Variants in TDRD12 observed in about 807,000 individuals in gnomAD.
TDRD12 encodes tudor domain containing 12.
Under a neutral mutation model 133.5 loss-of-function variants are expected in TDRD12, and 158 were observed. The ratio of observed to expected loss-of-function variants is 1.18; its 90% CI spans 1.04 to 1.35. The LOEUF (loss-of-function observed/expected upper bound fraction) is 1.35. TDRD12 is among the 40% of genes most tolerant of loss of function. The probability of loss-of-function intolerance (pLI) is 0.00; values close to 1 mark genes in which losing one functional copy is unlikely to be tolerated. For missense variants in TDRD12, 1,443 were observed against 1,321.3 expected, an observed-to-expected ratio of 1.09 and a Z score of -1.43; for synonymous variants, 460 against 477.9, an observed-to-expected ratio of 0.96 and a Z score of 0.49.
At chr19:32,824,481 T>G (rs1967518976), downstream of TDRD12, 2 of 152,962 alleles carry the variant, frequency 1.3e-5, no homozygotes, top group African/African-American at 4.8e-5. Flanking sequence ...TGCCTGCTCT[T>G]GCCCTCCTAG....
intron 4 of TDRD12, among the ~76,000 whole-genome samples, chr19:32,744,515 AAAAAAAAAAC>A (rs1402476389): frequency 2.7e-5 from 4 of 150,698 alleles, no homozygotes; most frequent in South Asian, 2.1e-4. Context: ...AAAAAAAAAA[AAAAAAAAAAC>A]AAAAGAATAT....
intron 4 of TDRD12, among the ~76,000 whole-genome samples, chr19:32,746,136 CGGG>C (rs1568455525): frequency 1.4e-5 from 1 of 72,982 alleles, no homozygotes; most frequent in East Asian, 3.7e-4. Flanking sequence ...GTGAGAGAGA[CGGG>C]GAGAGAGACT....
intron 14 of TDRD12, chr19:32,796,298 T>C: frequency 1.6e-6 from 1 of 631,536 alleles, no homozygotes; most frequent in South Asian, 7.0e-5. Context: ...TTTAGAAAGT[T>C]GCATCTGTTG....
chr19:32,792,105 G>T (rs754968869), intron 13 of TDRD12, among the ~76,000 whole-genome samples: 1 of 152,072 alleles, frequency 6.6e-6, no homozygotes, highest in African/African-American at 2.4e-5. Flanking sequence ...AATTCGCCAG[G>T]CATGGTGGTA....
chr19:32,821,405 T>TGC (rs1967389162), downstream of TDRD12: 1 of 169,576 alleles, frequency 5.9e-6, no homozygotes, highest in Non-Finnish European at 9.4e-6. Context: ...TGTGTGTGTG[T>TGC]GTGTGCGTGT....
At chr19:32,765,669 A>G (rs992295424) in intron 8 of TDRD12, among the ~76,000 whole-genome samples, 2 of 146,208 alleles carry the variant, frequency 1.4e-5, no homozygotes, top group Non-Finnish European at 1.5e-5. Flanking sequence ...GTTCTCACTC[A>G]TAGGTGGGAA....
chr19:32,784,888 G>T (rs565658195), intron 11 of TDRD12, among the ~76,000 whole-genome samples: 1 of 151,646 alleles, frequency 6.6e-6, no homozygotes, highest in Non-Finnish European at 1.5e-5. Flanking sequence ...TTCTTTATTA[G>T]TCTTGCTAGT....
At chr19:32,825,762 T>C (rs1967568389), downstream of TDRD12, among the ~76,000 whole-genome samples, 1 of 152,112 alleles carries the variant, frequency 6.6e-6, no homozygotes, top group African/African-American at 2.4e-5. The surrounding 1 kb of genome is among the most constrained non-coding windows in gnomAD (Gnocchi z 4.1). Context: ...ATGCTTGTAA[T>C]CCCAGCTACT....
intron 27 of TDRD12, among the ~76,000 whole-genome samples, chr19:32,819,219 A>T (rs773506544): frequency 1.3e-5 from 2 of 151,482 alleles, no homozygotes; most frequent in African/African-American, 2.4e-5. Context: ...TGGGACACTG[A>T]GGTGGGAAGA....
chr19:32,766,897 G>A (rs894071006), intron 8 of TDRD12, among the ~76,000 whole-genome samples: 1 of 151,908 alleles, frequency 6.6e-6, no homozygotes, highest in Non-Finnish European at 1.5e-5. Flanking sequence ...TTACAGGCAC[G>A]AGCCACCATG....
At position 32,720,018 on chromosome 19, in the gene TDRD12, G is replaced by A. The variant is rs150315126; in HGVS notation, c.-55G>A. ...GGCGGACGCAGCCAGCCTCACCCGC[G>A]ACGGTAGGGGACTTCCAGGGCGAGG... On this transcript the variant is annotated 5_prime_UTR_variant, in exon 1 of 28. Coordinates refer to ENST00000444215, the Ensembl canonical transcript of TDRD12. 2.0e-3 allele frequency: 3,139 copies of A among 1,543,004 alleles called. 63 individuals carry two copies. The African/African-American group carries it at 0.038, about 19-fold the overall frequency.
intron 27 of TDRD12, among the ~76,000 whole-genome samples, chr19:32,819,604 G>C (rs1428870446): frequency 2.0e-5 from 3 of 152,142 alleles, no homozygotes; most frequent in Non-Finnish European, 4.4e-5. Context: ...TAGCTTTGTG[G>C]TTAAGGGAGC....
At chr19:32,796,573 C>G (rs1297578060) in intron 14 of TDRD12, among the ~76,000 whole-genome samples, 2 of 147,524 alleles carry the variant, frequency 1.4e-5, no homozygotes, top group Non-Finnish European at 3.0e-5. Context: ...CAAGAAGAGC[C>G]AAACTCCATC....
At chr19:32,746,490 G>T (rs113645912) in intron 4 of TDRD12, among the ~76,000 whole-genome samples, 4 of 111,128 alleles carry the variant, frequency 3.6e-5, no homozygotes, top group Non-Finnish European at 5.6e-5. Flanking sequence ...GTGACAGAGA[G>T]GGGGAGAGAG....
intron 8 of TDRD12, among the ~76,000 whole-genome samples, chr19:32,759,074 T>C (rs1174882276): frequency 5.9e-5 from 9 of 152,110 alleles, no homozygotes; most frequent in African/African-American, 9.7e-5. Context: ...AAACCCCGTC[T>C]CTACTAAAAA....
intron 22 of TDRD12, among the ~76,000 whole-genome samples, chr19:32,809,274 C>T (rs1276827796): frequency 1.3e-5 from 2 of 152,144 alleles, no homozygotes; most frequent in Admixed American, 6.5e-5. Flanking sequence ...AGCCTTCACC[C>T]ACTGTGGAGG....
At chr19:32,795,770 T>C (rs1971207985) in intron 14 of TDRD12, among the ~76,000 whole-genome samples, 1 of 152,190 alleles carries the variant, frequency 6.6e-6, no homozygotes, top group South Asian at 2.1e-4. Flanking sequence ...TCTGCTCGGC[T>C]TCTGCGGAAG....
At chr19:32,827,357 T>TTTTTA (rs1967624300) in exon 10 of TDRD12, 19 of 363,734 alleles carry the variant, frequency 5.2e-5, no homozygotes, top group East Asian at 8.1e-5. Context: ...TAACCAAATC[T>TTTTTA]TTTTCTTTTC....
intron 10 of TDRD12, among the ~76,000 whole-genome samples, chr19:32,774,567 T>C (rs952254154): frequency 2.6e-5 from 4 of 152,202 alleles, no homozygotes; most frequent in Non-Finnish European, 5.9e-5. Context: ...GTTGTCCCAC[T>C]GTCTTCTCTC....
Sources: allele counts gnomAD v4.1 joint callset (sites outside exome capture counted in the v4.1 genomes callset), GRCh38; gene constraint gnomAD v4.1.1; non-coding constraint Gnocchi (gnomAD v3.1); transcripts MANE v1.5; gene names NCBI Gene and HGNC (gene_info 2026-07-23, HGNC 2026-07-21).